The following PCDHA4 variants were observed in gnomAD, a reference collection of about 807,000 sequenced individuals.
PCDHA4 encodes protocadherin alpha 4, also known as protocadherin alpha-4.
In PCDHA4, 49 loss-of-function variants were observed where a neutral mutation model predicts 61.4. The observed-to-expected ratio is 0.80, with a 90% confidence interval of 0.63 to 1.01. The LOEUF (loss-of-function observed/expected upper bound fraction) is 1.01, where lower values mean the gene tolerates loss of function less well. Among genes scored for constraint, PCDHA4 ranks in the 50% least tolerant of loss-of-function variants. The pLI is 0.00. For missense variants in PCDHA4, 1,254 were observed against 1,235.8 expected (o/e 1.01, Z -0.22); for synonymous variants, 590 against 550.3 (o/e 1.07, Z -1.01).
chr5:140,840,200 G>A (rs1412931294), intron 1 of PCDHA4, among the ~76,000 whole-genome samples: 1 of 151,990 alleles, frequency 6.6e-6, no homozygotes, highest in Non-Finnish European at 1.5e-5. Flanking sequence ...CAAAGGAAAA[G>A]AAGTCATAAA....
chr5:140,819,460 C>T (rs898793780), intron 1 of PCDHA4, among the ~76,000 whole-genome samples: 2 of 152,056 alleles, frequency 1.3e-5, no homozygotes, highest in Admixed American at 6.6e-5. Flanking sequence ...CAAGGAAGAA[C>T]TTCTGTTTAC....
chr5:140,967,817 G>A, intron 1 of PCDHA4: 1 of 1,614,182 alleles, frequency 6.2e-7, no homozygotes. Context: ...TCACTGCAAG[G>A]TGCTGGTGGA....
At chr5:140,822,105 C>A (rs2150113718) in intron 1 of PCDHA4, 68 of 1,614,128 alleles carry the variant, frequency 4.2e-5, no homozygotes, top group Non-Finnish European at 5.6e-5. Context: ...TGATCGTGGA[C>A]AGGCCGCTGC....
At chr5:140,915,710 C>T (rs2077269471) in intron 1 of PCDHA4, among the ~76,000 whole-genome samples, 1 of 151,918 alleles carries the variant, frequency 6.6e-6, no homozygotes, top group South Asian at 2.1e-4. Flanking sequence ...ACTCCTGTGG[C>T]CCCCACTTTG....
chr5:140,877,964 T>C lies in PCDHA4; in HGVS notation c.2385+68392T>C, dbSNP rs1582419472. On this transcript the variant is annotated intron_variant, in intron 1 of 3. Coordinates refer to ENST00000530339, the MANE Select transcript of PCDHA4 (RefSeq NM_018907.4). ...AAACTATCGAATGTCTCATCTTTCTTGGTCATTCTTACTCATTTTGAACTT... is the reference window on the plus strand; with the variant it reads ...AAACTATCGAATGTCTCATCTTTCTCGGTCATTCTTACTCATTTTGAACTT... 3 of 1,310,338 alleles carry C rather than the reference T, an allele frequency of 2.3e-6. No individual in the cohort carries two copies. The East Asian group carries it at 7.9e-5, about 34-fold the overall frequency. 81.2% of individuals were successfully genotyped at this position (1,310,338 alleles called of 1,614,324 possible). A position where few individuals can be genotyped will look rare whatever the true frequency, so the allele number is the denominator to read the frequency against.
intron 1 of PCDHA4, chr5:140,850,913 T>G: frequency 6.5e-7 from 1 of 1,539,368 alleles, no homozygotes; most frequent in East Asian, 2.3e-5. Flanking sequence ...GCATTTTATT[T>G]ATTTATATAA....
At chr5:140,837,724 T>G (rs1466080737) in intron 1 of PCDHA4, among the ~76,000 whole-genome samples, 2 of 151,672 alleles carry the variant, frequency 1.3e-5, no homozygotes, top group African/African-American at 2.4e-5. Flanking sequence ...CCCAGGCTGC[T>G]GAAATGCAGT....
intron 1 of PCDHA4, among the ~76,000 whole-genome samples, chr5:140,948,380 C>T (rs1554218531): frequency 2.6e-5 from 4 of 151,612 alleles, no homozygotes; most frequent in African/African-American, 4.8e-5. Flanking sequence ...GTTCCTTCCT[C>T]TATTTTCTGA....
Position 140,807,595 on chromosome 5 carries a change from A to G in PCDHA4, c.408A>G (p.Thr136=), listed in dbSNP as rs1205314334. ...INDNPPVFPA[T]QKNLSIAESR... is the part of the protein sequence containing the mutation. ...ATAACCCGCCGGTGTTCCCAGCAAC[A>G]CAAAAGAACCTGTCCATCGCGGAAT... The change falls in exon 1 of 4, where the codon ACA becomes ACG. Residue 136 remains threonine, a synonymous_variant. Transcript: ENST00000530339. The G allele has an allele frequency of 1.9e-6, 3 of 1,614,194 alleles. No homozygotes were observed. Among genetic ancestry groups the G allele is most frequent in the Non-Finnish European group, 2.5e-6 (3 of 1,180,038 alleles).
At chr5:140,861,474 G>A in intron 1 of PCDHA4, 1 of 493,958 alleles carries the variant, frequency 2.0e-6, no homozygotes, top group East Asian at 5.8e-5. Context: ...TCTGCAGAAT[G>A]GCATTTTTGT....
chr5:140,870,709 G>T (rs782475792), intron 1 of PCDHA4: 1 of 1,613,052 alleles, frequency 6.2e-7, no homozygotes, highest in Non-Finnish European at 8.5e-7. Context: ...CCAGGTGAGC[G>T]CGCGCGATGC....
Position 140,877,092 on chromosome 5 carries a change from C to T in PCDHA4, c.2385+67520C>T, listed in dbSNP as rs200462899. On this transcript the variant is annotated intron_variant, in intron 1 of 3. Coordinates refer to ENST00000530339, the MANE Select transcript of PCDHA4 (RefSeq NM_018907.4). ...AGTTCCAGGTGAGCGCGCGCGACGCCGGCGTGCCGCCTCTGGGCAGCAACG... is the reference window on the plus strand; with the variant it reads ...AGTTCCAGGTGAGCGCGCGCGACGCTGGCGTGCCGCCTCTGGGCAGCAACG... The T allele has an allele frequency of 2.9e-3, 4,637 of 1,613,220 alleles. 21 individuals carry two copies. Among genetic ancestry groups the T allele is most frequent in the African/African-American group, 0.01 (785 of 75,014 alleles).
chr5:140,812,765 A>G (rs1765174507), intron 1 of PCDHA4: 1 of 152,182 alleles, frequency 6.6e-6, no homozygotes, highest in South Asian at 2.1e-4. Context: ...GCCCAGCTTA[A>G]TATTCCTTCT....
At position 140,850,251 on chromosome 5, in the gene PCDHA4, G is replaced by T. The variant is rs1562466738; in HGVS notation, c.2385+40679G>T. 1.1e-5 allele frequency: 18 copies of T among 1,594,126 alleles called. 3 individuals are homozygous for T. The highest frequency in any genetic ancestry group is 1.4e-5 in the Non-Finnish European group (16 of 1,167,218). On this transcript the variant is annotated intron_variant, in intron 1 of 3. Coordinates refer to ENST00000530339, the MANE Select transcript of PCDHA4 (RefSeq NM_018907.4). ...GAGCGAGATGGTGCTGCGGTCGGTG[G>T]GCGCCGGCGTAGTGGTGGGGAAGGT...
chr5:140,870,315 C>T, intron 1 of PCDHA4: 1 of 1,614,234 alleles, frequency 6.2e-7, no homozygotes, highest in Non-Finnish European at 8.5e-7. Context: ...AGAATTACTA[C>T]TCGTTGGTGC....
At chr5:140,939,766 C>T (rs58911992) in intron 1 of PCDHA4, among the ~76,000 whole-genome samples, 27,055 of 152,058 alleles carry the variant, frequency 0.18, 2,673 homozygotes, top group African/African-American at 0.26. Context: ...TATAGTATTT[C>T]AGGGTGTGAA....
intron 1 of PCDHA4, chr5:140,829,762 C>G (rs1770548782): frequency 6.2e-7 from 1 of 1,613,752 alleles, no homozygotes; most frequent in Non-Finnish European, 8.5e-7. Flanking sequence ...TCGTGCTGGA[C>G]GAGAACGACA....
chr5:140,851,812 G>A, intron 1 of PCDHA4: 1 of 953,880 alleles, frequency 1.0e-6, no homozygotes, highest in Non-Finnish European at 1.3e-6. Context: ...TAATCCATAA[G>A]ACAGAAATCT....
chr5:140,883,712 G>A lies in PCDHA4; in HGVS notation c.2385+74140G>A, dbSNP rs372048294. On this transcript the variant is annotated intron_variant, in intron 1 of 3. Transcript: ENST00000530339. ...CATCTTCACGGTGTCTGCTCAGGAC[G>A]CGGACGCACAGGAGAACGCGCTGGT... 1.6e-5 allele frequency: 26 copies of A among 1,613,658 alleles called. No homozygotes were observed. The highest frequency in any genetic ancestry group is 2.2e-5 in the East Asian group (1 of 44,880).
Sources: allele counts gnomAD v4.1 joint callset (sites outside exome capture counted in the v4.1 genomes callset), GRCh38; gene constraint gnomAD v4.1.1; transcripts MANE v1.5; gene names NCBI Gene and HGNC (gene_info 2026-07-23, HGNC 2026-07-21).